USP42: variants seen among roughly 807,000 people sequenced by gnomAD.
USP42 encodes ubiquitin carboxyl-terminal hydrolase 42.
Under a neutral mutation model 113.0 loss-of-function variants are expected in USP42, and 23 were observed. The ratio of observed to expected loss-of-function variants is 0.20; its 90% CI spans 0.15 to 0.29. USP42 has a LOEUF of 0.29. Among genes scored for constraint, USP42 ranks in the 10% least tolerant of loss-of-function variants. USP42 has a pLI of 1.00. For synonymous variants in USP42, 933 were observed against 699.0 expected (o/e 1.33, Z -5.28); for missense variants, 2,174 against 1,779.8 (o/e 1.22, Z -3.99).
At chr7:6,106,625 C>T (rs1417593979) in intron 1 of USP42, among the ~76,000 whole-genome samples, 6 of 152,134 alleles carry the variant, frequency 3.9e-5, no homozygotes, top group Admixed American at 3.3e-4. Flanking sequence ...AGTGCAGTGG[C>T]GCAGTTGTAG....
chr7:6,085,238 G>A, the USP42 span: 1 of 150,466 alleles, frequency 6.6e-6, no homozygotes, highest in Non-Finnish European at 1.5e-5. Flanking sequence ...TCCTGCCTTA[G>A]CCTCCAGAGT....
intron 3 of USP42, among the ~76,000 whole-genome samples, chr7:6,135,613 C>G (rs187600321): frequency 7.9e-6 from 1 of 127,022 alleles, no homozygotes; most frequent in Non-Finnish European, 1.5e-5. Context: ...GGTCACACCA[C>G]TGCACTCCAG....
At chr7:6,112,557 A>G (rs984128089) in intron 2 of USP42, among the ~76,000 whole-genome samples, 1 of 152,236 alleles carries the variant, frequency 6.6e-6, no homozygotes, top group Non-Finnish European at 1.5e-5. Context: ...TAAATGAGAC[A>G]GTAACACTTT....
rs1044224426 is a variant in USP42 at position 6,104,978 on chromosome 7, TGCG to T, written c.-46_-44del. 1.2e-3 allele frequency: 183 copies of T among 151,748 alleles called. No homozygotes were observed. The highest frequency in any genetic ancestry group is 1.6e-3 in the Non-Finnish European group (110 of 70,168). 9.4% of individuals were successfully genotyped at this position (151,748 alleles called of 1,614,324 possible). A position where few individuals can be genotyped will look rare whatever the true frequency, so the allele number is the denominator to read the frequency against. On this transcript the variant is annotated 5_prime_UTR_variant, in exon 1 of 18. Transcript: ENST00000306177. ...TCCCCCGCCGGGCGGCTGGGCTGTG[TGCG>T]GCGGCGGCGGCGGCGGCCGAGGGGG... is the stretch of plus-strand genomic sequence containing the variant.
chr7:6,159,584 G>C lies in USP42; in HGVS notation c.*36+91G>C. On this transcript the variant is annotated intron_variant, in intron 17 of 17. Coordinates refer to ENST00000306177, the MANE Select transcript of USP42 (RefSeq NM_032172.3). This position sits in a 1 kb window ranked among gnomAD's most constrained non-coding sequence, Gnocchi z 4.1. ...GTTTTAATTCTGCGGCTCTGCCTGG[G>C]GGCTGGGCTCATAGGAGTTGGCAGA... 7.4e-7 allele frequency: 1 copy of C among 1,351,524 alleles called. No individual in the cohort carries two copies. The highest frequency in any genetic ancestry group is 1.0e-6 in the Non-Finnish European group (1 of 963,540). 83.7% of individuals were successfully genotyped at this position (1,351,524 alleles called of 1,614,324 possible).
In USP42 at chr7:6,157,007, C is replaced by G. The variant is rs145344763; in HGVS notation, c.3895C>G (p.Arg1299Gly). ...GPFREKTKHL[R>G]MESRDDRCRL... ...TTTCCGTGAGAAAACGAAACACTTA[C>G]GGATGGAAAGCAGGGATGACAGGTG... Residue 1299 changes from arginine (R) to glycine (G), a missense_variant, in exon 16 of 18, where the codon CGG becomes GGG. Coordinates refer to ENST00000306177, the MANE Select transcript of USP42 (RefSeq NM_032172.3). The surrounding 1 kb of genome is among the most constrained non-coding windows in gnomAD (Gnocchi z 4.1). 9 of 1,612,986 alleles carry G rather than the reference C, an allele frequency of 5.6e-6. No homozygotes were observed. The highest frequency in any genetic ancestry group is 1.7e-5 in the Admixed American group (1 of 59,788).
chr7:6,103,098 G>A (rs28373555), upstream of USP42, among the ~76,000 whole-genome samples: 5,350 of 151,002 alleles, frequency 0.035, 653 homozygotes, highest in African/African-American at 0.13. Context: ...AGTGCAGGGA[G>A]AAGCAGGCTC....
chr7:6,139,310 T>A lies in USP42; in HGVS notation c.656+116T>A. On this transcript the variant is annotated intron_variant, in intron 5 of 17. Transcript: ENST00000306177. The surrounding 1 kb of genome is among the most constrained non-coding windows in gnomAD (Gnocchi z 4.5). Reference sequence around the variant, plus strand: ...GAAGCACACAGAACAGTGTTCACTTTACCTTTTGGCTTTGCTCTGCCTCTT... The same window carrying A: ...GAAGCACACAGAACAGTGTTCACTTAACCTTTTGGCTTTGCTCTGCCTCTT... 1 of 797,302 alleles carries A rather than the reference T, an allele frequency of 1.3e-6. No individual in the cohort carries two copies. Among genetic ancestry groups the A allele is most frequent in the Non-Finnish European group, 1.9e-6 (1 of 533,956 alleles). The allele number at this position is 797,302 out of a possible 1,614,324, so 49.4% of individuals were successfully genotyped here.
chr7:6,110,620 T>G (rs1022792084), intron 1 of USP42, among the ~76,000 whole-genome samples: 1 of 152,342 alleles, frequency 6.6e-6, no homozygotes, highest in South Asian at 2.1e-4. Context: ...AAATATAATG[T>G]ATTTCACTTG....
At position 6,139,683 on chromosome 7, in the gene USP42, G is replaced by GC. The variant is rs11371135; in HGVS notation, c.657-445_657-444insC. ...TCCCAAGCCGCTTGGTGCTGTCTGA[G>GC]ACACCTGGTAGATCTCCCTCTGCAT... On this transcript the variant is annotated intron_variant, in intron 5 of 17. Transcript: ENST00000306177. This position sits in a 1 kb window ranked among gnomAD's most constrained non-coding sequence, Gnocchi z 4.5. 96,472 of 231,698 alleles carry GC rather than the reference G, an allele frequency of 0.42. 24,368 individuals are homozygous for GC. The highest frequency in any genetic ancestry group is 0.76 in the East Asian group (5,764 of 7,570). The allele number at this position is 231,698 out of a possible 1,614,324, so 14.4% of individuals were successfully genotyped here. A position where few individuals can be genotyped will look rare whatever the true frequency, so the allele number is the denominator to read the frequency against.
chr7:6,138,436 C>T (rs1490880382), intron 4 of USP42, among the ~76,000 whole-genome samples: 1 of 152,178 alleles, frequency 6.6e-6, no homozygotes, highest in East Asian at 1.9e-4. Context: ...AATTTAAAAT[C>T]ACCAGCATAG....
intron 2 of USP42, among the ~76,000 whole-genome samples, chr7:6,113,347 T>A (rs1344119191): frequency 1.3e-5 from 2 of 152,150 alleles, no homozygotes; most frequent in Non-Finnish European, 2.9e-5. Context: ...CCAGCAGGAC[T>A]TTCCCACAGG....
At position 6,135,275 on chromosome 7, in the gene USP42, G is replaced by A. The variant is rs1026257700; in HGVS notation, c.443-566G>A. Among the ~76,000 whole-genome samples the A allele has an allele frequency of 3.3e-5, 5 of 152,080 alleles. 1 individual carries two copies. In the East Asian group the frequency reaches 9.6e-4, roughly 29 times the overall value. On this transcript the variant is annotated intron_variant, in intron 3 of 17. Transcript: ENST00000306177. ...GTCCCATAATAACTCTTTGACATTGGGCAAACTTTTAAACTCTCTGAGCTT... is the reference window on the plus strand; with the variant it reads ...GTCCCATAATAACTCTTTGACATTGAGCAAACTTTTAAACTCTCTGAGCTT...
intron 3 of USP42, among the ~76,000 whole-genome samples, chr7:6,134,203 C>T (rs1781006402): frequency 1.3e-5 from 2 of 152,090 alleles, no homozygotes; most frequent in Non-Finnish European, 2.9e-5. Context: ...CATGTTTCTT[C>T]TTAATGTATT....
rs1443581199 is a variant in USP42, at chr7:6,154,073, C to T, written c.2519C>T (p.Ala840Val). 1.2e-6 allele frequency: 2 copies of T among 1,605,896 alleles called. No individual in the cohort carries two copies. Among genetic ancestry groups the T allele is most frequent in the Non-Finnish European group, 1.7e-6 (2 of 1,179,256 alleles). Residue 840 changes from alanine to valine, a missense_variant, in exon 15 of 18, where the codon GCG becomes GTG. Ala to Val is a moderately conservative substitution (Grantham distance 64). Coordinates refer to ENST00000306177, the MANE Select transcript of USP42 (RefSeq NM_032172.3). ...PLSQDAKGMIAEGPRDSALAE... is the reference protein window; with the variant it reads ...PLSQDAKGMIVEGPRDSALAE... ...TCCCAGGACGCAAAGGGGATGATCG[C>T]GGAGGGCCCGCGGGACTCGGCGTTG...
chr7:6,143,818 C>T (rs1310241329), intron 8 of USP42, among the ~76,000 whole-genome samples: 2 of 152,070 alleles, frequency 1.3e-5, no homozygotes, highest in East Asian at 3.8e-4. Context: ...GTTGTGTTAA[C>T]CTAATTTTAA....
At chr7:6,092,164 TTTC>T in the USP42 span, among the ~76,000 whole-genome samples, 2 of 141,766 alleles carry the variant, frequency 1.4e-5, no homozygotes, top group Non-Finnish European at 1.5e-5. Flanking sequence ...CTTCTTCTTC[TTTC>T]TTCTTCTTCT....
At chr7:6,147,615 C>A in intron 11 of USP42, 124 bp from the exon 12 acceptor site, 2 of 1,108,794 alleles carry the variant, frequency 1.8e-6, no homozygotes, top group Non-Finnish European at 2.5e-6. Flanking sequence ...TACTGTGTAG[C>A]ATAAACATGC....
At chr7:6,109,072 T>C (rs879843734) in intron 1 of USP42, among the ~76,000 whole-genome samples, 5 of 152,094 alleles carry the variant, frequency 3.3e-5, no homozygotes, top group Non-Finnish European at 7.4e-5. Context: ...GTGGGGGCCT[T>C]GAGGAGGGGT....
Sources: gnomAD v4.1 joint callset for allele counts (sites outside exome capture counted in the v4.1 genomes callset) on GRCh38, gnomAD v4.1.1 for gene constraint, Gnocchi (gnomAD v3.1) non-coding constraint, MANE v1.5 for transcripts, NCBI Gene and HGNC (gene_info 2026-07-23, HGNC 2026-07-21) for gene names.